Variants in SH3RF3 observed in about 807,000 individuals in gnomAD.
SH3RF3 encodes E3 ubiquitin-protein ligase SH3RF3.
In SH3RF3, 29 loss-of-function variants were observed where a neutral mutation model predicts 66.3. The ratio of observed to expected loss-of-function variants is 0.44; its 90% CI spans 0.33 to 0.60. The LOEUF is 0.60. SH3RF3 is among the 20% of genes least tolerant of loss of function. SH3RF3 has a pLI of 0.04. For synonymous variants in SH3RF3, 583 were observed against 532.0 expected, an observed-to-expected ratio of 1.10 and a Z score of -1.32; for missense variants, 1,194 against 1,190.9, an observed-to-expected ratio of 1.00 and a Z score of -0.04.
chr2:109,270,275 G>A (rs767825724), intron 1 of SH3RF3, among the ~76,000 whole-genome samples: 3 of 152,184 alleles, frequency 2.0e-5, no homozygotes, highest in African/African-American at 4.8e-5. Flanking sequence ...ACCTTAAGGC[G>A]AGTCTGTGGT....
chr2:109,198,166 G>A (rs1574498386), intron 1 of SH3RF3, among the ~76,000 whole-genome samples: 1 of 152,278 alleles, frequency 6.6e-6, no homozygotes, highest in East Asian at 1.9e-4. Flanking sequence ...GTGCAGGGAT[G>A]GCCACAGCAG....
intron 1 of SH3RF3, among the ~76,000 whole-genome samples, chr2:109,156,421 G>T (rs1374928915): frequency 6.6e-6 from 1 of 152,132 alleles, no homozygotes; most frequent in Admixed American, 6.5e-5. Context: ...ATTCAGGGGA[G>T]AGGATACACT....
chr2:109,262,792 A>G (rs1443001441), intron 1 of SH3RF3, among the ~76,000 whole-genome samples: 1 of 152,122 alleles, frequency 6.6e-6, no homozygotes, highest in African/African-American at 2.4e-5. Context: ...AATGGGCCCA[A>G]TGATAAAATT....
rs563782064 is a variant in SH3RF3, at chr2:109,171,508, C to T, written c.573+41395C>T. On this transcript the variant is annotated intron_variant, in intron 1 of 9. Transcript: ENST00000309415. ...CGACCCCTCACTGCTGCTGGGCTCG[C>T]GGGTATGGTCAGCGCTGTGGCTTCG... is the stretch of plus-strand genomic sequence containing the variant. 3.6e-4 allele frequency among the ~76,000 whole-genome samples: 55 copies of T among 152,360 alleles called. 1 individual carries two copies. The highest frequency in any genetic ancestry group is 8.3e-4 in the South Asian group (4 of 4,830).
chr2:109,355,057 AC>A (rs1682920474), intron 2 of SH3RF3, among the ~76,000 whole-genome samples: 1 of 152,222 alleles, frequency 6.6e-6, no homozygotes, highest in Non-Finnish European at 1.5e-5. Flanking sequence ...CTTTAGGACC[AC>A]CCTGAGACCA....
At chr2:109,496,859 G>A (rs564221539) in intron 9 of SH3RF3, among the ~76,000 whole-genome samples, 36 of 152,374 alleles carry the variant, frequency 2.4e-4, no homozygotes, top group African/African-American at 8.4e-4. Context: ...GATTATCCAG[G>A]TGGGCCCTGT....
At chr2:109,341,289 A>C (rs1018624654) in intron 1 of SH3RF3, among the ~76,000 whole-genome samples, 4 of 152,228 alleles carry the variant, frequency 2.6e-5, no homozygotes, top group African/African-American at 9.6e-5. Context: ...AACAGTAACA[A>C]ACTTCTTCAT....
chr2:109,319,228 G>T (rs1313635349), intron 1 of SH3RF3, among the ~76,000 whole-genome samples: 2 of 152,340 alleles, frequency 1.3e-5, no homozygotes, highest in East Asian at 3.9e-4. Context: ...CGTTTTGCAG[G>T]ACCAAGTGTT....
chr2:109,348,665 C>T (rs1219449281), intron 2 of SH3RF3, among the ~76,000 whole-genome samples: 1 of 152,138 alleles, frequency 6.6e-6, no homozygotes, highest in Non-Finnish European at 1.5e-5. Context: ...GTTGGAACCT[C>T]GTTTTCTCCA....
intron 8 of SH3RF3, among the ~76,000 whole-genome samples, chr2:109,478,904 G>A (rs1332230870): frequency 6.6e-6 from 1 of 152,326 alleles, no homozygotes; most frequent in Non-Finnish European, 1.5e-5. Flanking sequence ...GATGCTGTGG[G>A]TTGGGAATTG....
intron 2 of SH3RF3, among the ~76,000 whole-genome samples, chr2:109,361,621 A>T (rs988964819): frequency 1.3e-5 from 2 of 152,050 alleles, no homozygotes; most frequent in African/African-American, 4.8e-5. Flanking sequence ...CTACAGGCAT[A>T]CGCCACCATG....
chr2:109,129,647 C>G lies in SH3RF3; in HGVS notation c.107C>G (p.Ala36Gly). 6.7e-7 allele frequency: 1 copy of G among 1,499,058 alleles called. No homozygotes were observed. The highest frequency in any genetic ancestry group is 1.3e-5 in the South Asian group (1 of 79,632). 92.9% of individuals were successfully genotyped at this position (1,499,058 alleles called of 1,614,324 possible). Residue 36 changes from alanine (A) to glycine (G), a missense_variant, in exon 1 of 10, where the codon GCG becomes GGG. Ala to Gly is a moderately conservative substitution (Grantham distance 60, BLOSUM62 0). Coordinates refer to ENST00000309415, the MANE Select transcript of SH3RF3 (RefSeq NM_001099289.3). Reference sequence around the variant, plus strand: ...GGCGAGCGACGGCGGCGTCGGGCGGCGGCCACCGCCGCGGGGGCGGGCGAG... The same window carrying G: ...GGCGAGCGACGGCGGCGTCGGGCGGGGGCCACCGCCGCGGGGGCGGGCGAG... ...RPGERRRRRA[A>G]ATAAGAGEDM...
intron 4 of SH3RF3, among the ~76,000 whole-genome samples, chr2:109,404,700 A>G (rs886356359): frequency 6.6e-6 from 1 of 152,032 alleles, no homozygotes; most frequent in Non-Finnish European, 1.5e-5. Context: ...ACCTTTGCGG[A>G]AGGCCCATTC....
rs756496971 is a variant in SH3RF3 at position 109,268,022 on chromosome 2, C to CT, written c.574-79651dup. Among the ~76,000 whole-genome samples, 4 of 151,876 alleles carry CT rather than the reference C, an allele frequency of 2.6e-5. No homozygotes were observed. In the South Asian group the frequency reaches 6.2e-4, roughly 24 times the overall value. On this transcript the variant is annotated intron_variant, in intron 1 of 9. Transcript: ENST00000309415. The stretch of plus-strand genomic sequence containing the variant: ...CATCCCCACTAAGGGTCCTTGGACT[C>CT]TGTGTCCAGTCCTTGTGGGTGAGGG...
chr2:109,393,495 G>A (rs1676058042), intron 3 of SH3RF3, among the ~76,000 whole-genome samples: 1 of 152,206 alleles, frequency 6.6e-6, no homozygotes, highest in African/African-American at 2.4e-5. Flanking sequence ...AACTCTTTCA[G>A]AGCAGGTCTT....
intron 8 of SH3RF3, among the ~76,000 whole-genome samples, chr2:109,465,571 A>T (rs1170955072): frequency 6.6e-6 from 1 of 152,228 alleles, no homozygotes; most frequent in Non-Finnish European, 1.5e-5. Context: ...GCAGTTCCCT[A>T]ATGACATCTG....
chr2:109,217,911 T>G (rs1242433858), intron 1 of SH3RF3, among the ~76,000 whole-genome samples: 1 of 152,160 alleles, frequency 6.6e-6, no homozygotes, highest in African/African-American at 2.4e-5. Flanking sequence ...GGCCCGGCTG[T>G]GGGTGGCCTT....
At chr2:109,480,636 G>A (rs1422696148) in intron 8 of SH3RF3, among the ~76,000 whole-genome samples, 2 of 152,180 alleles carry the variant, frequency 1.3e-5, no homozygotes, top group African/African-American at 4.8e-5. Context: ...GGGAGGAGGA[G>A]GAGGAGGATG....
chr2:109,443,261 A>G (rs1380217240), intron 7 of SH3RF3, among the ~76,000 whole-genome samples: 1 of 152,354 alleles, frequency 6.6e-6, no homozygotes, highest in East Asian at 1.9e-4. Context: ...AGGCTGCCCT[A>G]TTAACAGGTG....
Sources: allele counts gnomAD v4.1 joint callset (sites outside exome capture counted in the v4.1 genomes callset), GRCh38; gene constraint gnomAD v4.1.1; transcripts MANE v1.5; gene names NCBI Gene and HGNC (gene_info 2026-07-23, HGNC 2026-07-21).